Variants in FBXL2 observed in about 807,000 individuals in gnomAD.
FBXL2 encodes F-box/LRR-repeat protein 2.
Under a neutral mutation model 69.2 loss-of-function variants are expected in FBXL2, and 38 were observed. That is an observed-to-expected ratio of 0.55 (90% CI 0.42 to 0.72). The LOEUF is 0.72. Among genes scored for constraint, FBXL2 ranks in the 30% least tolerant of loss-of-function variants. The pLI, the probability that FBXL2 is intolerant of heterozygous loss-of-function variation, is 0.00. For synonymous variants in FBXL2, 192 were observed against 201.3 expected, an observed-to-expected ratio of 0.95 and a Z score of 0.39; for missense variants, 354 against 520.3, an observed-to-expected ratio of 0.68 and a Z score of 3.11.
intron 4 of FBXL2, among the ~76,000 whole-genome samples, chr3:33,362,387 C>T (rs2041685256): frequency 6.6e-6 from 1 of 152,168 alleles, no homozygotes; most frequent in Non-Finnish European, 1.5e-5. Flanking sequence ...TTATTTTTCT[C>T]TAAAGCCCTT....
chr3:33,378,806 A>G, intron 13 of FBXL2, 65 bp downstream of exon 13: 1 of 1,613,438 alleles, frequency 6.2e-7, no homozygotes, highest in African/African-American at 1.3e-5. Flanking sequence ...CACCACAACA[A>G]GAAGCTGTTT....
At position 33,386,530 on chromosome 3, in the gene FBXL2, C is replaced by T. The variant is rs2043445729; in HGVS notation, c.*922C>T. The T allele has an allele frequency of 6.6e-6, 1 of 151,738 alleles. No homozygotes were observed. Among genetic ancestry groups the T allele is most frequent in the Admixed American group, 6.6e-5 (1 of 15,242 alleles). The allele number at this position is 151,738 out of a possible 1,614,324, so 9.4% of individuals were successfully genotyped here. On this transcript the variant is annotated 3_prime_UTR_variant, in exon 15 of 15. Transcript: ENST00000484457. ...TGAAATCTTAAAAATCAGGTTACACCATAGCTACTCAAAAGTTTTACACAC... is the reference window on the plus strand; with the variant it reads ...TGAAATCTTAAAAATCAGGTTACACTATAGCTACTCAAAAGTTTTACACAC...
intron 9 of FBXL2, among the ~76,000 whole-genome samples, 171 bp downstream of exon 9, chr3:33,374,092 C>T (rs938843123): frequency 6.6e-6 from 1 of 152,126 alleles, no homozygotes; most frequent in Non-Finnish European, 1.5e-5. Flanking sequence ...GCTGGAACAA[C>T]AACAACAACA....
At chr3:33,411,998 C>T in the FBXL2 span, among the ~76,000 whole-genome samples, 4 of 151,946 alleles carry the variant, frequency 2.6e-5, no homozygotes, top group South Asian at 6.3e-4. Flanking sequence ...ACCAGCCTGG[C>T]GAACATGGTG....
Position 33,364,616 on chromosome 3 carries a change from T to C in FBXL2, c.196-9T>C, listed in dbSNP as rs2041836775. The C allele has an allele frequency of 6.2e-7, 1 of 1,613,164 alleles. No homozygotes were observed. Among genetic ancestry groups the C allele is most frequent in the East Asian group, 2.2e-5 (1 of 44,884 alleles). ...AGTATTTTTTCCTCCCGAACTTTCT[T>C]GATTAAAGGGTCGAGTGGTGGAAAA... On this transcript the variant is annotated splice_polypyrimidine_tract_variant and intron_variant, in intron 4 of 14. Coordinates refer to ENST00000484457, the MANE Select transcript of FBXL2 (RefSeq NM_012157.5).
At position 33,385,745 on chromosome 3, in the gene FBXL2, T is replaced by C. The variant is rs1575429376; in HGVS notation, c.*137T>C. The C allele has an allele frequency of 9.0e-6, 6 of 670,278 alleles. No individual in the cohort carries two copies. The East Asian group carries it at 1.3e-4, about 15-fold the overall frequency. The allele number at this position is 670,278 out of a possible 1,614,324, so 41.5% of individuals were successfully genotyped here. ...CATTTACAGGTAAAAGACTTCTGTA[T>C]GGATTGCAGTTACTCTGGTGATAGT... On this transcript the variant is annotated 3_prime_UTR_variant, in exon 15 of 15. Transcript: ENST00000484457.
At chr3:33,390,481 T>TA, downstream of FBXL2, 3 of 1,103,756 alleles carry the variant, frequency 2.7e-6, no homozygotes, top group Middle Eastern at 6.0e-4. Flanking sequence ...AGGTTACCTT[T>TA]AAATGATTCT....
intron 7 of FBXL2, 61 bp from the exon 8 acceptor site, chr3:33,373,517 G>A: frequency 6.2e-7 from 1 of 1,611,402 alleles, no homozygotes; most frequent in East Asian, 2.2e-5. Flanking sequence ...TAAACTCAGA[G>A]TTGGTCATTA....
At chr3:33,418,150 C>T in the FBXL2 span, among the ~76,000 whole-genome samples, 10 of 152,192 alleles carry the variant, frequency 6.6e-5, no homozygotes, top group South Asian at 1.7e-3. Flanking sequence ...TTGAAAAATA[C>T]ACCATTTATG....
chr3:33,405,152 T>C (rs1264308050), downstream of FBXL2, among the ~76,000 whole-genome samples: 2 of 152,152 alleles, frequency 1.3e-5, no homozygotes, highest in Admixed American at 6.5e-5. Context: ...GTTTCATCAT[T>C]TGAAGCCTCA....
chr3:33,310,555 C>T (rs1014187927), intron 2 of FBXL2, among the ~76,000 whole-genome samples: 9 of 151,906 alleles, frequency 5.9e-5, no homozygotes, highest in African/African-American at 9.7e-5. Context: ...GTATTTTTAC[C>T]GGTGAGTTAT....
chr3:33,334,767 CAGA>C (rs1014943736), intron 2 of FBXL2, among the ~76,000 whole-genome samples: 18 of 152,120 alleles, frequency 1.2e-4, no homozygotes, highest in African/African-American at 4.3e-4. Context: ...CTTAAGACGA[CAGA>C]AGAAGGAAGG....
At chr3:33,393,574 C>T (rs1359288771) in intron 12 of FBXL2, 2 of 901,498 alleles carry the variant, frequency 2.2e-6, no homozygotes, top group Middle Eastern at 3.5e-4. Context: ...AGTAAAAAAA[C>T]ATTTTAAATG....
intron 9 of FBXL2, 48 bp from the exon 10 acceptor site, chr3:33,375,240 G>A (rs1559629388): frequency 2.5e-6 from 4 of 1,590,224 alleles, no homozygotes; most frequent in African/African-American, 1.3e-5. Flanking sequence ...TCCCGTTTTG[G>A]TATTGCTGGT....
chr3:33,302,365 A>G (rs937296377), intron 2 of FBXL2, among the ~76,000 whole-genome samples: 3 of 152,210 alleles, frequency 2.0e-5, no homozygotes, highest in South Asian at 2.1e-4. Flanking sequence ...ATTACCTTGC[A>G]TTATAAAAAA....
chr3:33,327,905 GT>G (rs1249544938), intron 2 of FBXL2, among the ~76,000 whole-genome samples: 1 of 150,702 alleles, frequency 6.6e-6, no homozygotes, highest in African/African-American at 2.4e-5. Flanking sequence ...AGTCAAATTA[GT>G]CTTGTTCACA....
chr3:33,298,420 C>G (rs1239876369), intron 2 of FBXL2, among the ~76,000 whole-genome samples: 2 of 151,846 alleles, frequency 1.3e-5, no homozygotes, highest in Non-Finnish European at 1.5e-5. Context: ...GTCTGTAATC[C>G]CAGCACTTTG....
intron 1 of FBXL2, among the ~76,000 whole-genome samples, chr3:33,288,330 A>T (rs1438013271): frequency 2.0e-5 from 3 of 152,234 alleles, no homozygotes; most frequent in Non-Finnish European, 4.4e-5. Flanking sequence ...GTCAGTGGAT[A>T]TCCAGCAGTG....
chr3:33,390,289 G>A (rs750641525), downstream of FBXL2: 17 of 1,585,742 alleles, frequency 1.1e-5, no homozygotes, highest in East Asian at 1.3e-4. Context: ...ACTTTTAAGC[G>A]TGACTATTTG....
Sources: allele counts gnomAD v4.1 joint callset (sites outside exome capture counted in the v4.1 genomes callset), GRCh38; gene constraint gnomAD v4.1.1; transcripts MANE v1.5; gene names NCBI Gene and HGNC (gene_info 2026-07-23, HGNC 2026-07-21).